The following TOR1AIP2 variants were observed in gnomAD, a reference collection of about 807,000 sequenced individuals.
The protein encoded by TOR1AIP2 is torsin-1A-interacting protein 2.
TOR1AIP2 carries 20 observed loss-of-function variants against 32.6 expected under a neutral mutation model. The observed-to-expected ratio is 0.61, with a 90% CI of 0.43 to 0.89. The LOEUF (loss-of-function observed/expected upper bound fraction) is 0.89. Ranked by LOEUF, TOR1AIP2 falls within the 40% of genes least tolerant of loss-of-function variation. TOR1AIP2 has a pLI of 0.00. For synonymous variants in TOR1AIP2, 214 were observed against 210.8 expected (o/e 1.02, Z -0.13); for missense variants, 456 against 553.8 (o/e 0.82, Z 1.77).
rs755442663 is a variant in TOR1AIP2 at position 179,877,783 on chromosome 1, A to C, written c.-791T>G. On this transcript the variant is annotated 5_prime_UTR_variant, in exon 1 of 7. Transcript: ENST00000609928. Reference sequence around the variant, plus strand: ...CGCTCCACACCGCTCGGCTGCACCCAGCGGCCGCCGCGGCCCGAATGTCGT... The same window carrying C: ...CGCTCCACACCGCTCGGCTGCACCCCGCGGCCGCCGCGGCCCGAATGTCGT... The C allele has an allele frequency of 6.6e-6, 1 of 152,246 alleles. No individual in the cohort carries two copies. The highest frequency in any genetic ancestry group is 1.5e-5 in the Non-Finnish European group (1 of 68,072). The allele number at this position is 152,246 out of a possible 1,614,324, so 9.4% of individuals were successfully genotyped here.
At position 179,861,629 on chromosome 1, in the gene TOR1AIP2, CTGAGT is replaced by C. The variant is rs567562293; in HGVS notation, c.-147+3802_-147+3806del. On this transcript the variant is annotated intron_variant, in intron 3 of 6. Transcript: ENST00000609928. ...AGTTTAATTAATGAGAAAAATGTGGCTGAGTTATGACCTAAATTATTAACAGTGAT... is the reference window on the plus strand; with the variant it reads ...AGTTTAATTAATGAGAAAAATGTGGCTATGACCTAAATTATTAACAGTGAT... The C allele has an allele frequency of 1.3e-4, 128 of 985,386 alleles. No homozygotes were observed. The African/African-American group carries it at 1.4e-3, about 11-fold the overall frequency. The allele number at this position is 985,386 out of a possible 1,614,324, so 61.0% of individuals were successfully genotyped here. A position where few individuals can be genotyped will look rare whatever the true frequency, so the allele number is the denominator to read the frequency against.
At chr1:179,875,672 T>C (rs1647259161) in intron 2 of TOR1AIP2, 2 of 151,856 alleles carry the variant, frequency 1.3e-5, no homozygotes, top group Non-Finnish European at 2.9e-5. Flanking sequence ...AAATTTCGAT[T>C]ACCAAAATTA....
At chr1:179,856,823 A>G (rs1696320880) in intron 3 of TOR1AIP2, among the ~76,000 whole-genome samples, 1 of 152,204 alleles carries the variant, frequency 6.6e-6, no homozygotes, top group Non-Finnish European at 1.5e-5. Flanking sequence ...CATGTTGCCC[A>G]GGTTGGTCTC....
chr1:179,856,498 T>C (rs1013094486), intron 3 of TOR1AIP2, among the ~76,000 whole-genome samples: 2 of 152,216 alleles, frequency 1.3e-5, no homozygotes, highest in Non-Finnish European at 2.9e-5. Context: ...ATAGTTGAAA[T>C]GGCATTTCCC....
intron 2 of TOR1AIP2, chr1:179,874,062 C>CT (rs1024259427): frequency 5.9e-5 from 9 of 152,320 alleles, no homozygotes; most frequent in South Asian, 2.1e-4. Context: ...GTATAACTAT[C>CT]AAGTCAACAA....
intron 3 of TOR1AIP2, chr1:179,860,141 T>A (rs936770720): frequency 1.0e-6 from 1 of 985,242 alleles, no homozygotes; most frequent in African/African-American, 1.7e-5. Context: ...CACCAGCCAA[T>A]AAGTTTATAA....
chr1:179,864,682 G>A, intron 3 of TOR1AIP2: 1 of 1,494,836 alleles, frequency 6.7e-7, no homozygotes, highest in Non-Finnish European at 8.9e-7. Context: ...CCAAAGTAGT[G>A]ACAATCTGGG....
rs1695706037 is a variant in TOR1AIP2, at chr1:179,841,097, T to C, written c.*4974A>G. On this transcript the variant is annotated 3_prime_UTR_variant, in exon 7 of 7. Coordinates refer to ENST00000609928, the MANE Select transcript of TOR1AIP2 (RefSeq NM_001199260.2). ...ATCTGGAGAAACTGTTTTACAGGTA[T>C]CTTAACTTTATTTAGCTCTCTGTAG... 6.6e-6 allele frequency: 1 copy of C among 152,286 alleles called. No individual in the cohort carries two copies. The highest frequency in any genetic ancestry group is 2.1e-4 in the South Asian group (1 of 4,824). 9.4% of individuals were successfully genotyped at this position (152,286 alleles called of 1,614,324 possible). A position where few individuals can be genotyped will look rare whatever the true frequency, so the allele number is the denominator to read the frequency against.
chr1:179,872,029 G>A (rs545799282), intron 2 of TOR1AIP2, among the ~76,000 whole-genome samples: 8 of 152,296 alleles, frequency 5.3e-5, no homozygotes, highest in African/African-American at 1.9e-4. Flanking sequence ...ACAATCTTCA[G>A]TACTATTTAG....
intron 3 of TOR1AIP2, among the ~76,000 whole-genome samples, chr1:179,855,748 G>A (rs1466017964): frequency 6.6e-6 from 1 of 152,124 alleles, no homozygotes. Flanking sequence ...TGTTTAAAAT[G>A]AGGAAAAAAT....
At chr1:179,865,904 A>G (rs548876673) in intron 2 of TOR1AIP2, 50 bp from the exon 3 acceptor site, 1 of 152,758 alleles carries the variant, frequency 6.5e-6, no homozygotes, top group East Asian at 1.9e-4. Flanking sequence ...AGTTGTTCAC[A>G]TTATTATTAG....
At chr1:179,861,271 T>TAATAA in intron 3 of TOR1AIP2, 1 of 984,858 alleles carries the variant, frequency 1.0e-6, no homozygotes, top group Non-Finnish European at 1.2e-6. Context: ...ATTTATATTT[T>TAATAA]AATAAAATTC....
intron 3 of TOR1AIP2, chr1:179,863,677 C>CA (rs904854823): frequency 0.21 from 176,699 of 828,852 alleles, 2,563 homozygotes; most frequent in African/African-American, 0.28. Context: ...TTTTAAAAAG[C>CA]AAAAAAAAAA....
chr1:179,875,427 A>G (rs1697160070), intron 2 of TOR1AIP2: 2 of 152,356 alleles, frequency 1.3e-5, no homozygotes, highest in South Asian at 4.1e-4. Flanking sequence ...GCACAAAAGA[A>G]GTCCTCAAAA....
At chr1:179,862,604 A>G in intron 3 of TOR1AIP2, 1 of 985,436 alleles carries the variant, frequency 1.0e-6, no homozygotes, top group South Asian at 4.7e-5. Flanking sequence ...GTTGCACACC[A>G]ACAGCCATTC....
chr1:179,859,939 T>C (rs1255908139), intron 3 of TOR1AIP2: 1 of 702,280 alleles, frequency 1.4e-6, no homozygotes, highest in African/African-American at 1.9e-5. Flanking sequence ...GAGGCTCAAG[T>C]GATCCTCCCA....
At chr1:179,863,163 T>C in intron 3 of TOR1AIP2, 1 of 736,626 alleles carries the variant, frequency 1.4e-6, no homozygotes. Context: ...AAGGCAGAGG[T>C]TGCAGTGAAC....
chr1:179,862,144 T>G (rs1034206877), intron 3 of TOR1AIP2: 2 of 984,938 alleles, frequency 2.0e-6, no homozygotes. Flanking sequence ...ATCAATGATA[T>G]AAATCCTTTT....
At chr1:179,861,920 G>C in intron 3 of TOR1AIP2, 1 of 957,806 alleles carries the variant, frequency 1.0e-6, no homozygotes, top group Non-Finnish European at 1.2e-6. Flanking sequence ...GGCTGGTCTT[G>C]AACTCCTGGG....
Sources: allele counts gnomAD v4.1 joint callset (sites outside exome capture counted in the v4.1 genomes callset), GRCh38; gene constraint gnomAD v4.1.1; transcripts MANE v1.5; gene names NCBI Gene and HGNC (gene_info 2026-07-23, HGNC 2026-07-21).